Variants in PLCL2 observed in about 807,000 individuals in gnomAD.
The protein encoded by PLCL2 is phospholipase C like 2, also known as inactive phospholipase C-like protein 2.
A neutral mutation model predicts 79.6 loss-of-function variants in PLCL2; 4 were observed. The ratio of observed to expected loss-of-function variants is 0.05; its 90% CI spans 0.02 to 0.11. The LOEUF is 0.11. Ranked by LOEUF, PLCL2 falls within the 10% of genes least tolerant of loss-of-function variation. PLCL2 has a pLI of 1.00. For synonymous variants in PLCL2, 484 were observed against 457.7 expected (o/e 1.06, Z -0.73); for missense variants, 895 against 1,291.0 (o/e 0.69, Z 4.70).
At chr3:17,062,230 C>T (rs2064960021) in intron 4 of PLCL2, among the ~76,000 whole-genome samples, 1 of 152,160 alleles carries the variant, frequency 6.6e-6, no homozygotes, top group South Asian at 2.1e-4. Context: ...ACATAATTTA[C>T]CCCTAAGCAT....
At chr3:16,992,762 G>A (rs2064117248) in intron 1 of PLCL2, among the ~76,000 whole-genome samples, 1 of 152,224 alleles carries the variant, frequency 6.6e-6, no homozygotes, top group Admixed American at 6.5e-5. Flanking sequence ...CTAAGGATTG[G>A]ATTAAGGATC....
intron 3 of PLCL2, among the ~76,000 whole-genome samples, chr3:17,036,151 G>C (rs2064651519): frequency 6.6e-6 from 1 of 152,090 alleles, no homozygotes; most frequent in African/African-American, 2.4e-5. Context: ...CCCTGGATAG[G>C]CACCAGCTCT....
At chr3:16,972,823 TC>T (rs1300887736) in intron 1 of PLCL2, among the ~76,000 whole-genome samples, 2 of 152,206 alleles carry the variant, frequency 1.3e-5, no homozygotes, top group Non-Finnish European at 2.9e-5. Flanking sequence ...TTTTCTGTTT[TC>T]CATTTGCTTG....
intron 4 of PLCL2, among the ~76,000 whole-genome samples, chr3:17,051,727 C>T (rs2064840948): frequency 6.6e-6 from 1 of 152,178 alleles, no homozygotes; most frequent in Non-Finnish European, 1.5e-5. Context: ...ACACCAGCTG[C>T]CAGTCTTTTG....
intron 1 of PLCL2, among the ~76,000 whole-genome samples, chr3:16,915,418 T>A (rs1696970744): frequency 6.6e-6 from 1 of 152,216 alleles, no homozygotes; most frequent in South Asian, 2.1e-4. Flanking sequence ...AAAGCTGGCA[T>A]ATATTTACTG....
chr3:16,925,453 G>C (rs1288101333), intron 1 of PLCL2, among the ~76,000 whole-genome samples: 1 of 152,026 alleles, frequency 6.6e-6, no homozygotes, highest in Non-Finnish European at 1.5e-5. Flanking sequence ...CAATCCATTA[G>C]TTTTATTGTA....
chr3:16,909,385 C>T (rs1164756947), intron 1 of PLCL2, among the ~76,000 whole-genome samples: 2 of 152,130 alleles, frequency 1.3e-5, no homozygotes, highest in Non-Finnish European at 2.9e-5. Context: ...TAATAGTGTT[C>T]CTACAGAGGA....
intron 1 of PLCL2, among the ~76,000 whole-genome samples, chr3:16,910,333 C>T (rs1374679266): frequency 6.6e-6 from 1 of 152,054 alleles, no homozygotes; most frequent in South Asian, 2.1e-4. Flanking sequence ...TCAAGGTCAC[C>T]AATACCCTCC....
At chr3:16,976,888 A>G (rs2063932342) in intron 1 of PLCL2, among the ~76,000 whole-genome samples, 1 of 152,174 alleles carries the variant, frequency 6.6e-6, no homozygotes, top group African/African-American at 2.4e-5. Context: ...GGCTGCTATC[A>G]TTTGTATTAG....
intron 1 of PLCL2, among the ~76,000 whole-genome samples, chr3:16,937,978 A>G (rs1052781919): frequency 6.6e-6 from 1 of 152,304 alleles, no homozygotes; most frequent in East Asian, 1.9e-4. Context: ...AAAGGTGGCA[A>G]TTCACGTGTA....
intron 1 of PLCL2, among the ~76,000 whole-genome samples, chr3:16,903,901 C>A (rs191055169): frequency 1.4e-4 from 21 of 152,350 alleles, no homozygotes; most frequent in Non-Finnish European, 2.6e-4. Context: ...CTTCAGCCTG[C>A]ACCTGGGTGA....
chr3:17,071,779 T>C (rs1393743449), intron 5 of PLCL2, among the ~76,000 whole-genome samples: 1 of 152,166 alleles, frequency 6.6e-6, no homozygotes, highest in Non-Finnish European at 1.5e-5. Context: ...TCACAAGCAC[T>C]AATGTCTCAG....
At chr3:16,934,087 C>G (rs543962178) in intron 1 of PLCL2, among the ~76,000 whole-genome samples, 1 of 152,000 alleles carries the variant, frequency 6.6e-6, no homozygotes, top group African/African-American at 2.4e-5. Context: ...ACAAAAAAGT[C>G]TTGGTGTATG....
chr3:17,062,507 T>A (rs538588971), intron 4 of PLCL2, among the ~76,000 whole-genome samples: 34 of 152,336 alleles, frequency 2.2e-4, no homozygotes, highest in Non-Finnish European at 4.9e-4. Context: ...TTCCTCCCCC[T>A]CTGTCTTTAA....
chr3:16,931,424 T>G (rs1697389541), intron 1 of PLCL2, among the ~76,000 whole-genome samples: 1 of 152,196 alleles, frequency 6.6e-6, no homozygotes, highest in African/African-American at 2.4e-5. Context: ...TTTCATTCTC[T>G]CCTCTCCCTT....
intron 4 of PLCL2, among the ~76,000 whole-genome samples, chr3:17,055,330 CAGT>C (rs1265525342): frequency 6.6e-6 from 1 of 152,170 alleles, no homozygotes; most frequent in Non-Finnish European, 1.5e-5. Flanking sequence ...GCAAGGTCCT[CAGT>C]GGCCTCTTTC....
At chr3:16,890,298 A>G (rs1408808039) in intron 1 of PLCL2, among the ~76,000 whole-genome samples, 2 of 152,358 alleles carry the variant, frequency 1.3e-5, no homozygotes, top group African/African-American at 2.4e-5. Context: ...GGCAACTGAC[A>G]GGAAATTGTT....
chr3:16,999,463 G>A (rs545082881), intron 1 of PLCL2, among the ~76,000 whole-genome samples: 1 of 152,318 alleles, frequency 6.6e-6, no homozygotes, highest in African/African-American at 2.4e-5. Context: ...AGGATCTAAT[G>A]TACAGTGTAC....
chr3:16,917,320 C>G (rs905844732), intron 1 of PLCL2, among the ~76,000 whole-genome samples: 14 of 152,092 alleles, frequency 9.2e-5, no homozygotes, highest in African/African-American at 3.4e-4. Context: ...TGTTTTAGGT[C>G]AAAACATGCT....
Sources: allele counts gnomAD v4.1 joint callset (sites outside exome capture counted in the v4.1 genomes callset), GRCh38; gene constraint gnomAD v4.1.1; transcripts MANE v1.5; gene names NCBI Gene and HGNC (gene_info 2026-07-23, HGNC 2026-07-21).